The following AGBL4 variants were observed in gnomAD, a reference collection of about 807,000 sequenced individuals.
AGBL4 encodes cytosolic carboxypeptidase 6.
In AGBL4, 58 loss-of-function variants were observed where a neutral mutation model predicts 66.4. That is an observed-to-expected ratio of 0.87 (90% confidence interval 0.71 to 1.09). The LOEUF (loss-of-function observed/expected upper bound fraction) is 1.09, where lower values mean the gene tolerates loss of function less well. AGBL4 is among the 50% of genes least tolerant of loss of function. The pLI is 0.00. For synonymous variants in AGBL4, 234 were observed against 222.9 expected, an observed-to-expected ratio of 1.05 and a Z score of -0.44; for missense variants, 579 against 631.0, an observed-to-expected ratio of 0.92 and a Z score of 0.88.
intron 3 of AGBL4, among the ~76,000 whole-genome samples, chr1:49,427,283 G>A (rs1645683290): frequency 6.6e-6 from 1 of 152,118 alleles, no homozygotes; most frequent in Non-Finnish European, 1.5e-5. Context: ...GCCTTGAAGA[G>A]AATGTGGGCT....
intron 4 of AGBL4, among the ~76,000 whole-genome samples, chr1:49,200,191 T>C (rs558030623): frequency 6.6e-6 from 1 of 152,272 alleles, no homozygotes; most frequent in East Asian, 1.9e-4. Context: ...GTACTGTCTT[T>C]CCTTGATCTT....
intron 3 of AGBL4, among the ~76,000 whole-genome samples, chr1:49,632,382 C>T (rs1348301319): frequency 6.6e-6 from 1 of 152,108 alleles, no homozygotes; most frequent in African/African-American, 2.4e-5. Flanking sequence ...CAAGATTTTA[C>T]AAGTGAAAAG....
At chr1:48,716,183 T>C (rs1278042881) in intron 6 of AGBL4, among the ~76,000 whole-genome samples, 8 of 152,130 alleles carry the variant, frequency 5.3e-5, no homozygotes, top group African/African-American at 9.7e-5. Flanking sequence ...TGAAACATGA[T>C]TATCCTACTT....
chr1:49,839,146 G>T (rs1473377740), intron 2 of AGBL4, among the ~76,000 whole-genome samples: 1 of 152,100 alleles, frequency 6.6e-6, no homozygotes, highest in Admixed American at 6.6e-5. Context: ...TAAGAAAGCA[G>T]AGAAAATAGG....
chr1:49,050,315 C>T (rs1322372145), intron 4 of AGBL4, among the ~76,000 whole-genome samples: 1 of 152,014 alleles, frequency 6.6e-6, no homozygotes. Flanking sequence ...AACACATTCA[C>T]GAACATACTC....
chr1:49,692,717 C>CA (rs1205355419), intron 3 of AGBL4, among the ~76,000 whole-genome samples: 5,078 of 82,292 alleles, frequency 0.062, 97 homozygotes, highest in Non-Finnish European at 0.082. Flanking sequence ...GACTCTGTCT[C>CA]AAAAAAAAAA....
intron 4 of AGBL4, among the ~76,000 whole-genome samples, chr1:49,074,723 G>T (rs575427522): frequency 1.3e-5 from 2 of 152,264 alleles, no homozygotes; most frequent in African/African-American, 4.8e-5. Context: ...ACCCAGTTCT[G>T]TCTCACTCCA....
At chr1:50,021,356 C>G (rs1253722674) in intron 1 of AGBL4, among the ~76,000 whole-genome samples, 1 of 152,168 alleles carries the variant, frequency 6.6e-6, no homozygotes, top group Non-Finnish European at 1.5e-5. Flanking sequence ...AAATAATTAT[C>G]TCTATGCCAG....
chr1:49,594,274 G>C (rs1050709769), intron 3 of AGBL4, among the ~76,000 whole-genome samples: 7 of 152,168 alleles, frequency 4.6e-5, no homozygotes, highest in African/African-American at 1.7e-4. Context: ...ACCTGTACAG[G>C]AAAGGGAGGA....
chr1:49,358,418 A>T (rs115547361), intron 3 of AGBL4, among the ~76,000 whole-genome samples: 7,459 of 152,076 alleles, frequency 0.049, 566 homozygotes, highest in African/African-American at 0.16. Flanking sequence ...GAAAAAAAAA[A>T]AATGTAACTT....
At chr1:49,383,169 T>C (rs1384368798) in intron 3 of AGBL4, among the ~76,000 whole-genome samples, 1 of 152,170 alleles carries the variant, frequency 6.6e-6, no homozygotes, top group African/African-American at 2.4e-5. Flanking sequence ...CCCATGTTCA[T>C]GGATTGGAAA....
intron 6 of AGBL4, among the ~76,000 whole-genome samples, chr1:48,794,840 A>C (rs916626767): frequency 2.0e-5 from 3 of 152,158 alleles, no homozygotes; most frequent in Non-Finnish European, 4.4e-5. Context: ...CTCCAGTTAC[A>C]TAGGCATACA....
At chr1:49,203,197 T>C (rs571523113) in intron 4 of AGBL4, among the ~76,000 whole-genome samples, 3 of 151,926 alleles carry the variant, frequency 2.0e-5, no homozygotes, top group South Asian at 2.1e-4. Flanking sequence ...ATAGCCTCGA[T>C]AGAAAACAGT....
At chr1:48,712,442 T>C (rs1570324278) in intron 6 of AGBL4, among the ~76,000 whole-genome samples, 1 of 152,166 alleles carries the variant, frequency 6.6e-6, no homozygotes, top group East Asian at 1.9e-4. Flanking sequence ...GTTTCATCCT[T>C]AGCAAAATGA....
In AGBL4 at chr1:49,503,803, T is replaced by C. The variant is rs377308089; in HGVS notation, c.282+193510A>G. Among the ~76,000 whole-genome samples, 7 of 152,296 alleles carry C rather than the reference T, an allele frequency of 4.6e-5. No individual in the cohort carries two copies. In the East Asian group the frequency reaches 1.2e-3, roughly 25 times the overall value. On this transcript the variant is annotated intron_variant, in intron 3 of 13. Transcript: ENST00000371839. Reference sequence around the variant, plus strand: ...CTAATGCCTGTACCCCCATTGTACTTAGGAAGTACCTAATTTGCTTTTGGT... The same window carrying C: ...CTAATGCCTGTACCCCCATTGTACTCAGGAAGTACCTAATTTGCTTTTGGT...
chr1:49,692,658 C>T (rs1646912016), intron 3 of AGBL4, among the ~76,000 whole-genome samples: 2 of 150,586 alleles, frequency 1.3e-5, no homozygotes, highest in Admixed American at 1.3e-4. Context: ...GCGGAGCTTG[C>T]AGTGAGCCAA....
intron 10 of AGBL4, among the ~76,000 whole-genome samples, chr1:48,590,314 G>A (rs1185892407): frequency 6.6e-6 from 1 of 151,344 alleles, no homozygotes; most frequent in African/African-American, 2.4e-5. Context: ...GCTGAGGCAG[G>A]AGAATCGCTT....
chr1:48,790,781 G>A (rs957036642), intron 6 of AGBL4, among the ~76,000 whole-genome samples: 1 of 152,132 alleles, frequency 6.6e-6, no homozygotes, highest in Admixed American at 6.5e-5. Context: ...TTGCAAGAGT[G>A]AGTTTGTTAT....
At chr1:49,662,767 G>T (rs1442250680) in intron 3 of AGBL4, among the ~76,000 whole-genome samples, 2 of 152,082 alleles carry the variant, frequency 1.3e-5, no homozygotes, top group East Asian at 3.9e-4. Context: ...CATAAGCATT[G>T]ATGGAAATAG....
Sources: allele counts gnomAD v4.1 joint callset (sites outside exome capture counted in the v4.1 genomes callset), GRCh38; gene constraint gnomAD v4.1.1; transcripts MANE v1.5; gene names NCBI Gene and HGNC (gene_info 2026-07-23, HGNC 2026-07-21).